Variants in ASTN2 observed in about 807,000 individuals in gnomAD.
The protein encoded by ASTN2 is astrotactin-2.
Under a neutral mutation model 139.8 loss-of-function variants are expected in ASTN2, and 54 were observed. The ratio of observed to expected loss-of-function variants is 0.39; its 90% confidence interval spans 0.31 to 0.48. The LOEUF is 0.48. Among genes scored for constraint, ASTN2 ranks in the 20% least tolerant of loss-of-function variants. The pLI is 0.95. For synonymous variants in ASTN2, 756 were observed against 719.5 expected (o/e 1.05, Z -0.81); for missense variants, 1,565 against 1,725.1 (o/e 0.91, Z 1.64).
chr9:117,166,739 T>C (rs1457004458), intron 3 of ASTN2, among the ~76,000 whole-genome samples: 3 of 152,110 alleles, frequency 2.0e-5, no homozygotes, highest in Admixed American at 1.3e-4. Context: ...AATGGCAGCA[T>C]CTAATTATTC....
chr9:117,071,877 C>CCG (rs1828142427), intron 5 of ASTN2, among the ~76,000 whole-genome samples: 1 of 152,074 alleles, frequency 6.6e-6, no homozygotes, highest in Admixed American at 6.5e-5. Flanking sequence ...GCTCGCGCAC[C>CCG]GTGCGCGCAC....
chr9:116,555,559 A>G (rs543385962), intron 19 of ASTN2, among the ~76,000 whole-genome samples: 2 of 151,486 alleles, frequency 1.3e-5, no homozygotes, highest in East Asian at 3.9e-4. Flanking sequence ...CCAGGCCATC[A>G]GAGCTCACAG....
intron 17 of ASTN2, among the ~76,000 whole-genome samples, chr9:116,650,747 G>A (rs1222152320): frequency 6.6e-6 from 1 of 152,036 alleles, no homozygotes; most frequent in African/African-American, 2.4e-5. Flanking sequence ...ATGGACAATG[G>A]CTGAGTTCTA....
chr9:116,534,367 T>C (rs1851513111), intron 19 of ASTN2, among the ~76,000 whole-genome samples: 1 of 152,208 alleles, frequency 6.6e-6, no homozygotes, highest in Non-Finnish European at 1.5e-5. Flanking sequence ...TTCCTTCAGT[T>C]CTGCTCTGAT....
chr9:117,197,909 A>T (rs976303318), intron 3 of ASTN2, among the ~76,000 whole-genome samples: 3 of 152,154 alleles, frequency 2.0e-5, no homozygotes, highest in Admixed American at 6.5e-5. Flanking sequence ...TTCTGGCTTT[A>T]ATAATTGCTA....
chr9:117,116,498 T>C (rs1244621318), intron 4 of ASTN2, among the ~76,000 whole-genome samples: 9 of 151,924 alleles, frequency 5.9e-5, no homozygotes. Context: ...GAACAACAGA[T>C]TCAACTGCTA....
intron 2 of ASTN2, among the ~76,000 whole-genome samples, chr9:117,255,625 C>T (rs1011359961): frequency 6.6e-6 from 1 of 152,172 alleles, no homozygotes; most frequent in Non-Finnish European, 1.5e-5. Flanking sequence ...GTCTTCCCCC[C>T]ATCCCTCAAG....
At chr9:116,630,301 G>T (rs983393383) in intron 17 of ASTN2, among the ~76,000 whole-genome samples, 2 of 152,078 alleles carry the variant, frequency 1.3e-5, no homozygotes, top group Non-Finnish European at 2.9e-5. Context: ...TAACCTCCAT[G>T]GGTCACTTTC....
intron 13 of ASTN2, among the ~76,000 whole-genome samples, chr9:116,768,112 T>C (rs61456287): frequency 0.063 from 9,665 of 152,246 alleles, 437 homozygotes; most frequent in African/African-American, 0.12. Context: ...ACAATTAGAA[T>C]ATATTGTAAA....
At chr9:116,507,034 T>C (rs1431175532) in intron 19 of ASTN2, among the ~76,000 whole-genome samples, 1 of 152,188 alleles carries the variant, frequency 6.6e-6, no homozygotes, top group Non-Finnish European at 1.5e-5. Context: ...GGCCAAGTGT[T>C]GGGTTCCTTG....
intron 11 of ASTN2, among the ~76,000 whole-genome samples, chr9:116,838,757 A>G (rs1395483814): frequency 6.6e-6 from 1 of 152,126 alleles, no homozygotes; most frequent in Non-Finnish European, 1.5e-5. Context: ...ACTGGCTGAG[A>G]GCCTTCAGAT....
At chr9:116,926,786 G>A (rs1486616784) in intron 10 of ASTN2, among the ~76,000 whole-genome samples, 2 of 152,158 alleles carry the variant, frequency 1.3e-5, no homozygotes, top group Non-Finnish European at 2.9e-5. Flanking sequence ...GAGTGACACG[G>A]CTGAGATTTG....
chr9:117,062,816 C>T (rs1340221560), intron 5 of ASTN2, among the ~76,000 whole-genome samples: 1 of 152,130 alleles, frequency 6.6e-6, no homozygotes, highest in Non-Finnish European at 1.5e-5. Flanking sequence ...GAATACTGTT[C>T]ATATTTCTTA....
At chr9:116,860,539 A>G (rs140074397) in intron 11 of ASTN2, among the ~76,000 whole-genome samples, 24 of 152,340 alleles carry the variant, frequency 1.6e-4, no homozygotes, top group African/African-American at 5.1e-4. Context: ...CTCCAAAGCT[A>G]TGGTCATTCT....
chr9:116,790,992 A>AAAGAAAGAAAGAAAGT, intron 13 of ASTN2, among the ~76,000 whole-genome samples: 1 of 116,356 alleles, frequency 8.6e-6, no homozygotes, highest in South Asian at 3.3e-4. Context: ...AGAAAGAAAG[A>AAAGAAAGAAAGAAAGT]AAGAAAGAAA....
intron 11 of ASTN2, among the ~76,000 whole-genome samples, chr9:116,832,540 T>C (rs1391992186): frequency 6.8e-6 from 1 of 147,698 alleles, no homozygotes; most frequent in South Asian, 2.1e-4. Context: ...TCTATTCTTA[T>C]TTTTTTTTTG....
Position 116,498,741 on chromosome 9 carries a change from A to C in ASTN2, c.3356-11241T>G, listed in dbSNP as rs116974261. Among the ~76,000 whole-genome samples, 171 of 152,326 alleles carry C rather than the reference A, an allele frequency of 1.1e-3. 2 individuals carry two copies. The East Asian group carries it at 0.024, about 21-fold the overall frequency. On this transcript the variant is annotated intron_variant, in intron 19 of 22. Coordinates refer to ENST00000313400, the MANE Select transcript of ASTN2 (RefSeq NM_001365068.1). ...AAGGAAAATTCACACAGTGCCAGGT[A>C]AGGTAATAAAAATGCCAGGTCAGTA...
Position 116,698,708 on chromosome 9 carries a change from TAG to T in ASTN2, c.2806+27061_2806+27062del. ...CTGCTGCCTCTACCTCTGTTACTTT[TAG>T]AGAGATGGACATGAGCCCGGAGGAA... On this transcript the variant is annotated intron_variant, in intron 16 of 22. Transcript: ENST00000313400. This position sits in a 1 kb window ranked among gnomAD's most constrained non-coding sequence, Gnocchi z 4.4. 1 of 1,614,188 alleles carries T rather than the reference TAG, an allele frequency of 6.2e-7. No homozygotes were observed. Among genetic ancestry groups the T allele is most frequent in the East Asian group, 2.2e-5 (1 of 44,860 alleles).
At chr9:117,244,482 A>G (rs1250353434) in intron 2 of ASTN2, among the ~76,000 whole-genome samples, 2 of 151,702 alleles carry the variant, frequency 1.3e-5, no homozygotes, top group Non-Finnish European at 2.9e-5. Context: ...ATCTTAGACC[A>G]TGTGAGTCTA....
Sources: allele counts gnomAD v4.1 joint callset (sites outside exome capture counted in the v4.1 genomes callset), GRCh38; gene constraint gnomAD v4.1.1; non-coding constraint Gnocchi (gnomAD v3.1); transcripts MANE v1.5; gene names NCBI Gene and HGNC (gene_info 2026-07-23, HGNC 2026-07-21).